DISC1: variants seen among roughly 807,000 people sequenced by gnomAD.
DISC1 encodes disrupted in schizophrenia 1 protein.
DISC1 carries 57 observed loss-of-function variants against 84.5 expected under a neutral mutation model. That is an observed-to-expected ratio of 0.67 (90% CI 0.55 to 0.84). DISC1 has a LOEUF of 0.84. Among genes scored for constraint, DISC1 ranks in the 40% least tolerant of loss-of-function variants. DISC1 has a pLI of 0.00. For synonymous variants in DISC1, 411 were observed against 415.2 expected, an observed-to-expected ratio of 0.99 and a Z score of 0.12; for missense variants, 1,000 against 1,057.8, an observed-to-expected ratio of 0.95 and a Z score of 0.76.
intron 9 of DISC1, among the ~76,000 whole-genome samples, chr1:231,909,792 A>T (rs547742460): frequency 6.6e-6 from 1 of 152,280 alleles, no homozygotes; most frequent in East Asian, 1.9e-4. Context: ...TTTGGCTGTG[A>T]ATCCGTCTGG....
intron 1 of DISC1, among the ~76,000 whole-genome samples, chr1:231,658,816 T>C (rs2061346427): frequency 6.6e-6 from 1 of 152,204 alleles, no homozygotes; most frequent in Non-Finnish European, 1.5e-5. Flanking sequence ...CTTTGTATCC[T>C]GGAGATGAAG....
chr1:231,820,169 T>G (rs2081385355), intron 9 of DISC1, among the ~76,000 whole-genome samples: 1 of 151,946 alleles, frequency 6.6e-6, no homozygotes, highest in Admixed American at 6.6e-5. Flanking sequence ...CGTGCTTAAT[T>G]TTTTTTAACC....
At chr1:231,781,545 C>T (rs1303203968) in intron 6 of DISC1, among the ~76,000 whole-genome samples, 1 of 152,182 alleles carries the variant, frequency 6.6e-6, no homozygotes, top group Non-Finnish European at 1.5e-5. Flanking sequence ...AGCTGCAAGT[C>T]AACTCTCACA....
At chr1:231,930,388 G>A (rs964685805) in intron 9 of DISC1, among the ~76,000 whole-genome samples, 4 of 152,116 alleles carry the variant, frequency 2.6e-5, no homozygotes, top group Non-Finnish European at 4.4e-5. Flanking sequence ...GCCAGGGATC[G>A]CTCTAAGTGC....
At chr1:232,029,961 A>G (rs999111812) in intron 12 of DISC1, among the ~76,000 whole-genome samples, 8 of 152,194 alleles carry the variant, frequency 5.3e-5, no homozygotes, top group African/African-American at 1.9e-4. Flanking sequence ...AGGGAGAGGA[A>G]AGAGCCTTTG....
chr1:231,710,621 C>T (rs935894195), intron 3 of DISC1, among the ~76,000 whole-genome samples: 1 of 152,182 alleles, frequency 6.6e-6, no homozygotes, highest in Non-Finnish European at 1.5e-5. Flanking sequence ...GTCAAGTTGT[C>T]AGTAGGGTTG....
intron 9 of DISC1, among the ~76,000 whole-genome samples, chr1:231,849,367 A>G (rs4658957): frequency 0.9 from 136,710 of 152,122 alleles, 61,516 homozygotes; most frequent in East Asian, 0.99. Flanking sequence ...TGATCCATCC[A>G]CCTCGGCCTC....
At chr1:231,735,744 C>G (rs2072396732) in intron 3 of DISC1, among the ~76,000 whole-genome samples, 1 of 152,172 alleles carries the variant, frequency 6.6e-6, no homozygotes, top group South Asian at 2.1e-4. Context: ...CATAGCAGTG[C>G]TCATAAAATT....
chr1:231,997,310 A>G (rs768146732), intron 10 of DISC1, among the ~76,000 whole-genome samples: 1 of 152,204 alleles, frequency 6.6e-6, no homozygotes, highest in East Asian at 1.9e-4. Context: ...TTCTTAGGAA[A>G]GTTATAAGCT....
At position 232,039,351 on chromosome 1, in the gene DISC1, A is replaced by G. The variant is rs917610973; in HGVS notation, c.*2520A>G. The G allele has an allele frequency of 6.6e-6, 1 of 152,224 alleles. No individual in the cohort carries two copies. Among genetic ancestry groups the G allele is most frequent in the Non-Finnish European group, 1.5e-5 (1 of 68,046 alleles). 9.4% of individuals were successfully genotyped at this position (152,224 alleles called of 1,614,324 possible). ...TGTATTACTCAGACACCATCATGAA[A>G]TAATTCTGTGAGGTCATGATGTATT... On this transcript the variant is annotated 3_prime_UTR_variant, in exon 13 of 13. Coordinates refer to ENST00000439617, the MANE Select transcript of DISC1 (RefSeq NM_018662.3).
intron 3 of DISC1, among the ~76,000 whole-genome samples, chr1:231,707,870 A>T (rs1358242111): frequency 6.6e-6 from 1 of 152,178 alleles, no homozygotes; most frequent in Non-Finnish European, 1.5e-5. Context: ...AAAGTCTAAA[A>T]TCCCTAACAT....
chr1:231,930,819 C>A (rs1476077772), intron 9 of DISC1, among the ~76,000 whole-genome samples: 1 of 152,112 alleles, frequency 6.6e-6, no homozygotes, highest in Admixed American at 6.5e-5. Flanking sequence ...GAGCTGATGG[C>A]TTGGAGACTA....
rs1023514088 is a variant in DISC1 at position 231,897,509 on chromosome 1, C to T, written c.1982-61319C>T. Among the ~76,000 whole-genome samples, 1 of 152,096 alleles carries T rather than the reference C, an allele frequency of 6.6e-6. No homozygotes were observed. The highest frequency in any genetic ancestry group is 1.5e-5 in the Non-Finnish European group (1 of 68,010). ...ACACATACAGCGCAGACTAAATCGT[C>T]TTTTTCTTTATCTTTTTTTTTTCCT... is the stretch of plus-strand genomic sequence containing the variant. On this transcript the variant is annotated intron_variant, in intron 9 of 12. Coordinates refer to ENST00000439617, the MANE Select transcript of DISC1 (RefSeq NM_018662.3). The surrounding 1 kb of genome is among the most constrained non-coding windows in gnomAD (Gnocchi z 4.5).
chr1:231,881,194 G>A (rs1454969026), intron 9 of DISC1, among the ~76,000 whole-genome samples: 2 of 152,238 alleles, frequency 1.3e-5, no homozygotes, highest in Non-Finnish European at 2.9e-5. Context: ...GTCACCAAGA[G>A]TGGACTTTCC....
intron 9 of DISC1, among the ~76,000 whole-genome samples, chr1:231,949,656 C>G (rs199853871): frequency 8.5e-5 from 13 of 152,134 alleles, no homozygotes; most frequent in Non-Finnish European, 1.9e-4. Flanking sequence ...GGGCGCCATC[C>G]TTGGCCACTG....
chr1:231,846,972 A>C (rs2083490476), intron 9 of DISC1, among the ~76,000 whole-genome samples: 1 of 152,246 alleles, frequency 6.6e-6, no homozygotes, highest in Non-Finnish European at 1.5e-5. Context: ...CAATTAGAGA[A>C]GTACAGGAGA....
At chr1:231,669,654 A>G (rs2062387666) in intron 1 of DISC1, among the ~76,000 whole-genome samples, 1 of 152,218 alleles carries the variant, frequency 6.6e-6, no homozygotes. Flanking sequence ...AGAGAGGTGT[A>G]AATCAAAACC....
At position 231,722,125 on chromosome 1, in the gene DISC1, C is replaced by T. The variant is rs11583212; in HGVS notation, c.1117+20101C>T. 4.7e-3 allele frequency among the ~76,000 whole-genome samples: 697 copies of T among 147,910 alleles called. 2 individuals carry two copies. The highest frequency in any genetic ancestry group is 0.011 in the Middle Eastern group (3 of 270). On this transcript the variant is annotated intron_variant, in intron 3 of 12. Transcript: ENST00000439617. ...CCAAGATCGCGCCACTGCACTCCAG[C>T]CTGGCGACATAGCAAGACTCCATCT...
intron 8 of DISC1, among the ~76,000 whole-genome samples, chr1:231,814,150 A>G (rs2080635015): frequency 6.6e-6 from 1 of 152,224 alleles, no homozygotes; most frequent in South Asian, 2.1e-4. Flanking sequence ...CCTGCTAAGT[A>G]ACAATAAAAA....
Sources: gnomAD v4.1 joint callset for allele counts (sites outside exome capture counted in the v4.1 genomes callset) on GRCh38, gnomAD v4.1.1 for gene constraint, Gnocchi (gnomAD v3.1) non-coding constraint, MANE v1.5 for transcripts, NCBI Gene and HGNC (gene_info 2026-07-23, HGNC 2026-07-21) for gene names.